Variants in ITGB3BP observed in about 807,000 individuals in gnomAD.
ITGB3BP encodes the protein integrin subunit beta 3 binding protein.
In ITGB3BP, 27 loss-of-function variants were observed where a neutral mutation model predicts 29.1. The ratio of observed to expected loss-of-function variants is 0.93; its 90% CI spans 0.68 to 1.28. ITGB3BP has a LOEUF of 1.28. ITGB3BP is among the 50% of genes most tolerant of loss of function. ITGB3BP has a pLI of 0.00. For missense variants in ITGB3BP, 192 were observed against 200.2 expected (o/e 0.96, Z 0.25); for synonymous variants, 61 against 61.4 (o/e 0.99, Z 0.03).
At chr1:63,503,007 A>G (rs1293807024) in intron 2 of ITGB3BP, among the ~76,000 whole-genome samples, 1 of 152,178 alleles carries the variant, frequency 6.6e-6, no homozygotes, top group Admixed American at 6.5e-5. Flanking sequence ...AGCATGATTT[A>G]TAATCCTTTG....
intron 4 of ITGB3BP, among the ~76,000 whole-genome samples, chr1:63,455,628 A>T (rs2100510547): frequency 6.6e-6 from 1 of 152,184 alleles, no homozygotes; most frequent in East Asian, 1.9e-4. Context: ...TTTACTTAAT[A>T]CAATATTATA....
intron 4 of ITGB3BP, 132 bp downstream of exon 4, chr1:63,478,632 T>A: frequency 1.9e-6 from 1 of 529,300 alleles, no homozygotes; most frequent in Non-Finnish European, 3.3e-6. Flanking sequence ...TCTACTTACT[T>A]AAGAAAGAAT....
chr1:63,522,934 G>A (rs1646491237), intron 1 of ITGB3BP, 195 bp downstream of exon 1: 1 of 772,726 alleles, frequency 1.3e-6, no homozygotes, highest in African/African-American at 1.7e-5. Flanking sequence ...GAAAGCGAAG[G>A]AGGACTATCG....
chr1:63,462,448 A>G (rs1645032814), intron 4 of ITGB3BP, among the ~76,000 whole-genome samples: 1 of 152,158 alleles, frequency 6.6e-6, no homozygotes, highest in Non-Finnish European at 1.5e-5. Flanking sequence ...TCCAATTTAA[A>G]TGACTTTTAT....
At position 63,472,431 on chromosome 1, in the gene ITGB3BP, A is replaced by ACCCTCT. The variant is rs200905947; in HGVS notation, c.254+6327_254+6332dup. Among the ~76,000 whole-genome samples, 563 of 117,764 alleles carry ACCCTCT rather than the reference A, an allele frequency of 4.8e-3. 12 individuals carry two copies. The highest frequency in any genetic ancestry group is 0.035 in the South Asian group (103 of 2,972). 77.3% of individuals were successfully genotyped at this position (117,764 alleles called of 152,430 possible). Reference sequence around the variant, plus strand: ...TGTTATGATCATTTAAAACTGATCCACCCTCTCCCTCTCCCTCTCCCCTCT... The same window carrying ACCCTCT: ...TGTTATGATCATTTAAAACTGATCCACCCTCTCCCTCTCCCTCTCCCTCTCCCCTCT... On this transcript the variant is annotated intron_variant, in intron 4 of 8. Coordinates refer to ENST00000271002, the MANE Select transcript of ITGB3BP (RefSeq NM_014288.5).
chr1:63,442,271 T>C lies in ITGB3BP; in HGVS notation c.*2-1168A>G, dbSNP rs142598388. 1.9e-4 allele frequency among the ~76,000 whole-genome samples: 29 copies of C among 152,344 alleles called. No individual in the cohort carries two copies. The East Asian group carries it at 3.7e-3, about 19-fold the overall frequency. Reference sequence around the variant, plus strand: ...CTCCATGGAAGTGTGACAAATTTGATTGGCCAAAGTCCAGAACATTCATTG... The same window carrying C: ...CTCCATGGAAGTGTGACAAATTTGACTGGCCAAAGTCCAGAACATTCATTG... On this transcript the variant is annotated intron_variant, in intron 8 of 8. Coordinates refer to ENST00000271002, the MANE Select transcript of ITGB3BP (RefSeq NM_014288.5).
At chr1:63,501,005 T>C (rs1386733443) in intron 2 of ITGB3BP, among the ~76,000 whole-genome samples, 1 of 152,198 alleles carries the variant, frequency 6.6e-6, no homozygotes, top group Non-Finnish European at 1.5e-5. Flanking sequence ...AATAAATGCA[T>C]ACATTTATGA....
At chr1:63,516,230 C>T (rs1646317304) in intron 1 of ITGB3BP, among the ~76,000 whole-genome samples, 1 of 136,792 alleles carries the variant, frequency 7.3e-6, no homozygotes, top group Non-Finnish European at 1.5e-5. Flanking sequence ...GCCTGGGAGG[C>T]AGAGGTTGTG....
chr1:63,443,885 G>T (rs903019521), intron 8 of ITGB3BP, among the ~76,000 whole-genome samples: 1 of 66,798 alleles, frequency 1.5e-5, no homozygotes, highest in Non-Finnish European at 3.3e-5. Flanking sequence ...GTATACTTGG[G>T]GGACATTGTA....
At chr1:63,446,653 T>G in intron 8 of ITGB3BP, 153 bp downstream of exon 8, 2 of 623,276 alleles carry the variant, frequency 3.2e-6, no homozygotes, top group Non-Finnish European at 5.8e-6. Context: ...AAGACTAGAT[T>G]AATATAAGTT....
chr1:63,474,621 T>C (rs1252758531), intron 4 of ITGB3BP, among the ~76,000 whole-genome samples: 2 of 152,008 alleles, frequency 1.3e-5, no homozygotes, highest in African/African-American at 4.8e-5. Flanking sequence ...CTCTGAAACA[T>C]GTGCTGTGTC....
chr1:63,464,166 G>C (rs1186652950), intron 4 of ITGB3BP, among the ~76,000 whole-genome samples: 1 of 152,068 alleles, frequency 6.6e-6, no homozygotes, highest in African/African-American at 2.4e-5. Flanking sequence ...AGTCAAAAAG[G>C]ATGAGAAAAA....
At chr1:63,528,648 C>T (rs1646639576) in intron 2 of ITGB3BP, among the ~76,000 whole-genome samples, 1 of 151,794 alleles carries the variant, frequency 6.6e-6, no homozygotes, top group South Asian at 2.1e-4. Flanking sequence ...TATTGCATAC[C>T]TGTATCAAAA....
At chr1:63,506,457 T>C (rs1646083730) in intron 2 of ITGB3BP, among the ~76,000 whole-genome samples, 1 of 152,116 alleles carries the variant, frequency 6.6e-6, no homozygotes, top group South Asian at 2.1e-4. Context: ...ACGAGGACAG[T>C]ATGGGAGAAA....
At chr1:63,514,233 A>G (rs556803234) in intron 1 of ITGB3BP, among the ~76,000 whole-genome samples, 2 of 152,296 alleles carry the variant, frequency 1.3e-5, no homozygotes, top group South Asian at 4.1e-4. Context: ...TTAATATTCT[A>G]TCTTAATAAG....
intron 3 of ITGB3BP, 132 bp downstream of exon 3, chr1:63,489,951 T>C (rs1570243854): frequency 1.3e-6 from 1 of 742,630 alleles, no homozygotes; most frequent in East Asian, 2.9e-5. Flanking sequence ...AATACCTATA[T>C]TAAGGTATTA....
At chr1:63,519,633 T>G (rs1200368003) in intron 1 of ITGB3BP, among the ~76,000 whole-genome samples, 1 of 152,136 alleles carries the variant, frequency 6.6e-6, no homozygotes, top group Non-Finnish European at 1.5e-5. Flanking sequence ...ATTATATAAC[T>G]TTGAATATCT....
chr1:63,477,431 C>G (rs1384053821), intron 4 of ITGB3BP, among the ~76,000 whole-genome samples: 1 of 152,152 alleles, frequency 6.6e-6, no homozygotes, highest in African/African-American at 2.4e-5. Context: ...AGATCATAAG[C>G]TCCCAGGCTG....
intron 4 of ITGB3BP, among the ~76,000 whole-genome samples, chr1:63,475,026 G>A (rs1645310367): frequency 6.6e-6 from 1 of 152,200 alleles, no homozygotes; most frequent in Non-Finnish European, 1.5e-5. Context: ...TTAGGCTGGA[G>A]AGTAGTGACA....
Sources: gnomAD v4.1 joint callset for allele counts (sites outside exome capture counted in the v4.1 genomes callset) on GRCh38, gnomAD v4.1.1 for gene constraint, MANE v1.5 for transcripts, NCBI Gene and HGNC (gene_info 2026-07-23, HGNC 2026-07-21) for gene names.